GIPC2: variants seen among roughly 807,000 people sequenced by gnomAD.
GIPC2 encodes the protein GIPC PDZ domain containing family member 2.
GIPC2 carries 30 observed loss-of-function variants against 30.6 expected under a neutral mutation model. The observed-to-expected ratio is 0.98, with a 90% confidence interval of 0.73 to 1.33. GIPC2 has a LOEUF of 1.33. GIPC2 is among the 40% of genes most tolerant of loss of function. The pLI, the probability that GIPC2 is intolerant of heterozygous loss-of-function variation, is 0.00. For synonymous variants in GIPC2, 167 were observed against 150.0 expected (o/e 1.11, Z -0.83); for missense variants, 414 against 390.3 (o/e 1.06, Z -0.51).
intron 3 of GIPC2, among the ~76,000 whole-genome samples, chr1:78,104,182 A>AGG (rs150902349): frequency 7.7e-5 from 11 of 143,592 alleles, no homozygotes; most frequent in African/African-American, 2.1e-4. Flanking sequence ...TAGAGGGGGG[A>AGG]GAGGGGGCCG....
intron 3 of GIPC2, among the ~76,000 whole-genome samples, chr1:78,112,716 G>T (rs1662494133): frequency 6.6e-6 from 1 of 152,202 alleles, no homozygotes; most frequent in African/African-American, 2.4e-5. Flanking sequence ...TAGGGCCGAG[G>T]CACAGGCTGT....
intron 3 of GIPC2, chr1:78,112,354 G>A (rs1160761842): frequency 2.0e-6 from 1 of 505,996 alleles, no homozygotes; most frequent in Admixed American, 2.0e-5. Context: ...AAGGAAGTGT[G>A]ATCCTGTTAG....
upstream of GIPC2, chr1:78,045,657 C>G (rs548229269): frequency 2.0e-6 from 2 of 985,356 alleles, no homozygotes; most frequent in Admixed American, 6.1e-5. Context: ...AAATCCCTAT[C>G]CCCGAAAGTC....
At chr1:78,101,871 T>C (rs900955516) in intron 3 of GIPC2, among the ~76,000 whole-genome samples, 1 of 152,162 alleles carries the variant, frequency 6.6e-6, no homozygotes, top group Non-Finnish European at 1.5e-5. Context: ...GCCATGAAAA[T>C]CCCTCTTCCA....
chr1:78,080,429 G>T (rs1661801727), intron 1 of GIPC2, among the ~76,000 whole-genome samples: 1 of 152,172 alleles, frequency 6.6e-6, no homozygotes, highest in Admixed American at 6.5e-5. Flanking sequence ...GATGAAGTGA[G>T]ATAATGGGAT....
Position 78,046,369 on chromosome 1 carries a change from C to CCGCCGCGCCG in GIPC2, c.240+49_240+58dup, listed in dbSNP as rs370883891. On this transcript the variant is annotated intron_variant, in intron 1 of 5. Coordinates refer to ENST00000370759, the MANE Select transcript of GIPC2 (RefSeq NM_017655.6). ...CAGGTGCTCAGGCTCTCCCGCCTCT[C>CCGCCGCGCCG]CGCCGCGCCGCGCCGCGCCGCGCGT... 14,723 of 1,557,700 alleles carry CCGCCGCGCCG rather than the reference C, an allele frequency of 9.5e-3. 122 individuals are homozygous for CCGCCGCGCCG. Among genetic ancestry groups the CCGCCGCGCCG allele is most frequent in the Non-Finnish European group, 0.011 (12,434 of 1,139,422 alleles).
intron 3 of GIPC2, among the ~76,000 whole-genome samples, chr1:78,113,694 T>C (rs776384018): frequency 2.0e-5 from 3 of 152,148 alleles, no homozygotes; most frequent in Non-Finnish European, 4.4e-5. Context: ...CAGCCTAAAA[T>C]TTCTAATAGA....
chr1:78,091,708 A>G (rs932077650), intron 2 of GIPC2: 16 of 774,356 alleles, frequency 2.1e-5, no homozygotes, highest in Middle Eastern at 5.7e-4. Context: ...TAGAAAGCAC[A>G]TATTTGGTAG....
chr1:78,066,338 C>G (rs745649443), intron 1 of GIPC2, among the ~76,000 whole-genome samples: 2 of 152,040 alleles, frequency 1.3e-5, no homozygotes, highest in Non-Finnish European at 2.9e-5. Context: ...AGTGATATAC[C>G]GTCTCATACA....
intron 2 of GIPC2, among the ~76,000 whole-genome samples, chr1:78,085,897 G>GTTTTTTT (rs35412467): frequency 3.3e-5 from 4 of 120,306 alleles, no homozygotes; most frequent in Non-Finnish European, 5.1e-5. Flanking sequence ...TCTTTTGAAT[G>GTTTTTTT]TTTTTTTTTT....
intron 3 of GIPC2, among the ~76,000 whole-genome samples, chr1:78,105,155 A>C (rs772751411): frequency 7.2e-5 from 11 of 152,144 alleles, no homozygotes; most frequent in Non-Finnish European, 1.3e-4. Context: ...CTTGCATTAA[A>C]ATTTTTTTTA....
chr1:78,062,287 C>T (rs1661408702), intron 1 of GIPC2, among the ~76,000 whole-genome samples: 1 of 152,108 alleles, frequency 6.6e-6, no homozygotes. Flanking sequence ...CTTAATTTAA[C>T]CACCTGAAGC....
chr1:78,097,491 C>T, intron 3 of GIPC2, among the ~76,000 whole-genome samples: 1 of 152,146 alleles, frequency 6.6e-6, no homozygotes, highest in East Asian at 1.9e-4. Flanking sequence ...TGGACTATAT[C>T]CCAAAACACA....
chr1:78,128,042 G>A (rs142720638), intron 5 of GIPC2, among the ~76,000 whole-genome samples: 5 of 152,240 alleles, frequency 3.3e-5, no homozygotes, highest in African/African-American at 1.2e-4. Context: ...GATGCTGTCT[G>A]CAACTTAAAA....
chr1:78,108,881 A>G (rs1468152747), intron 3 of GIPC2, among the ~76,000 whole-genome samples: 1 of 152,126 alleles, frequency 6.6e-6, no homozygotes, highest in African/African-American at 2.4e-5. Flanking sequence ...GGTTTCTTTC[A>G]TTTGGAGACC....
upstream of GIPC2, chr1:78,045,885 GATCC>G: frequency 7.5e-7 from 1 of 1,340,986 alleles, no homozygotes; most frequent in South Asian, 2.0e-5. Context: ...TTTCTCTCCA[GATCC>G]ATCCCGGGGG....
At chr1:78,124,834 C>T (rs1349506625) in intron 4 of GIPC2, among the ~76,000 whole-genome samples, 1 of 151,984 alleles carries the variant, frequency 6.6e-6, no homozygotes, top group African/African-American at 2.4e-5. Context: ...GGTGAAACCC[C>T]GTCTCTACTA....
At chr1:78,052,560 G>C (rs571176490) in intron 1 of GIPC2, among the ~76,000 whole-genome samples, 1 of 152,284 alleles carries the variant, frequency 6.6e-6, no homozygotes, top group African/African-American at 2.4e-5. Flanking sequence ...TATGAGGAAA[G>C]AGACTAGCCT....
At chr1:78,102,094 GT>G (rs1395279868) in intron 3 of GIPC2, among the ~76,000 whole-genome samples, 6 of 152,178 alleles carry the variant, frequency 3.9e-5, no homozygotes, top group African/African-American at 1.4e-4. Context: ...TTCTGTAAGA[GT>G]TTTCAAAAGC....
Sources: gnomAD v4.1 joint callset for allele counts (sites outside exome capture counted in the v4.1 genomes callset) on GRCh38, gnomAD v4.1.1 for gene constraint, MANE v1.5 for transcripts, NCBI Gene and HGNC (gene_info 2026-07-23, HGNC 2026-07-21) for gene names.